Variants in DPY19L4 observed in about 807,000 individuals in gnomAD.
DPY19L4 encodes dpy-19 like 4.
DPY19L4 carries 97 observed loss-of-function variants against 102.8 expected under a neutral mutation model. The observed-to-expected ratio is 0.94, with a 90% CI of 0.80 to 1.12. DPY19L4 has a LOEUF of 1.12. Among genes scored for constraint, DPY19L4 ranks in the 50% most tolerant of loss-of-function variants. The pLI is 0.00. For synonymous variants in DPY19L4, 252 were observed against 283.1 expected (o/e 0.89, Z 1.10); for missense variants, 815 against 850.4 (o/e 0.96, Z 0.52).
At chr8:94,777,286 C>G (rs185651516) in intron 13 of DPY19L4, among the ~76,000 whole-genome samples, 240 of 152,116 alleles carry the variant, frequency 1.6e-3, no homozygotes, top group African/African-American at 5.3e-3. Flanking sequence ...AGGCTGGTCC[C>G]AAACTCCTGG....
rs563875672 is a variant in DPY19L4 at position 94,769,417 on chromosome 8, G to C, written c.1334+864G>C. 2.6e-5 allele frequency among the ~76,000 whole-genome samples: 4 copies of C among 152,170 alleles called. 1 individual carries two copies. The South Asian group carries it at 8.3e-4, about 32-fold the overall frequency. ...AATGTCCAGATTTAATATAGTTAGA[G>C]ACTTAATATATAACTGATATTTAAA... On this transcript the variant is annotated intron_variant, in intron 12 of 18. Coordinates refer to ENST00000414645, the MANE Select transcript of DPY19L4 (RefSeq NM_181787.3).
chr8:94,732,418 G>A (rs1415334676), intron 2 of DPY19L4, among the ~76,000 whole-genome samples: 1 of 152,060 alleles, frequency 6.6e-6, no homozygotes, highest in African/African-American at 2.4e-5. Flanking sequence ...ACAGGCTGGA[G>A]GCAGTGGCTC....
At chr8:94,742,891 G>A (rs994099091) in intron 6 of DPY19L4, among the ~76,000 whole-genome samples, 1 of 151,926 alleles carries the variant, frequency 6.6e-6, no homozygotes, top group Non-Finnish European at 1.5e-5. Context: ...TTTTGGTAGA[G>A]TTGTGGTTTC....
intron 14 of DPY19L4, among the ~76,000 whole-genome samples, chr8:94,778,903 G>A (rs1813303700): frequency 6.6e-6 from 1 of 152,126 alleles, no homozygotes; most frequent in African/African-American, 2.4e-5. Flanking sequence ...AAATGAGACT[G>A]GAGAAGTGGA....
intron 6 of DPY19L4, among the ~76,000 whole-genome samples, chr8:94,747,441 C>T (rs76295523): frequency 0.037 from 5,596 of 151,976 alleles, 268 homozygotes; most frequent in African/African-American, 0.11. Flanking sequence ...AAAGTGGTAC[C>T]GCATTGCCAA....
In DPY19L4 at chr8:94,769,062, GT is replaced by G. The variant is rs983995829; in HGVS notation, c.1334+525del. ...AGAAAAATTTAAACTTAGTTTTTTT[GT>G]TTTTTTTTTTTTTTTGAGACGGAGT... On this transcript the variant is annotated intron_variant, in intron 12 of 18. Transcript: ENST00000414645. Among the ~76,000 whole-genome samples, 485 of 127,218 alleles carry G rather than the reference GT, an allele frequency of 3.8e-3. 1 individual carries two copies. Among genetic ancestry groups the G allele is most frequent in the African/African-American group, 0.012 (428 of 34,356 alleles). 83.5% of individuals were successfully genotyped at this position (127,218 alleles called of 152,430 possible). A position where few individuals can be genotyped will look rare whatever the true frequency, so the allele number is the denominator to read the frequency against.
At chr8:94,789,580 G>A (rs1194571295) in intron 18 of DPY19L4, among the ~76,000 whole-genome samples, 166 bp from the exon 19 acceptor site, 3 of 152,106 alleles carry the variant, frequency 2.0e-5, no homozygotes, top group African/African-American at 7.2e-5. Context: ...TGGGCATGGT[G>A]ACTCACTTAT....
intron 18 of DPY19L4, 43 bp downstream of exon 18, chr8:94,788,095 A>ATATATATATATATATATATTTT (rs778540423): frequency 2.1e-6 from 2 of 939,256 alleles, no homozygotes; most frequent in African/African-American, 4.7e-5. Context: ...ATATATATAT[A>ATATATATATATATATATATTTT]TTTTTTTTTT....
At chr8:94,778,162 G>T (rs765040570) in intron 14 of DPY19L4, among the ~76,000 whole-genome samples, 76 of 152,104 alleles carry the variant, frequency 5.0e-4, no homozygotes, top group Admixed American at 7.9e-4. Context: ...TTGAACCCAG[G>T]AGGCAGAGGT....
chr8:94,767,397 T>C (rs918626738), intron 11 of DPY19L4, among the ~76,000 whole-genome samples: 23 of 151,210 alleles, frequency 1.5e-4, no homozygotes, highest in African/African-American at 4.8e-4. Flanking sequence ...GGGTTCATGC[T>C]ATTCTCCTGC....
rs1184236626 is a variant in DPY19L4 at position 94,783,688 on chromosome 8, A to T, written c.1734A>T (p.Ala578=). Residue 578 remains alanine (A), a synonymous_variant, in exon 17 of 19, where the codon GCA becomes GCT. Coordinates refer to ENST00000414645, the MANE Select transcript of DPY19L4 (RefSeq NM_181787.3). ...MTWIKRQAPV[A]AVFAGSPQLM... ...TTTGCAGAAGGCAAGCTCCAGTTGC[A>T]GCTGTGTTTGCAGGGAGTCCACAGT... 2.5e-6 allele frequency: 4 copies of T among 1,613,864 alleles called. No individual in the cohort carries two copies. Among genetic ancestry groups the T allele is most frequent in the Non-Finnish European group, 3.4e-6 (4 of 1,179,974 alleles).
rs1813846336 is a variant in DPY19L4, at chr8:94,790,491, A to G, written c.*581A>G. The G allele has an allele frequency of 6.6e-6, 1 of 151,780 alleles. No individual in the cohort carries two copies. Among genetic ancestry groups the G allele is most frequent in the African/African-American group, 2.4e-5 (1 of 40,826 alleles). 9.4% of individuals were successfully genotyped at this position (151,780 alleles called of 1,614,324 possible). The stretch of plus-strand genomic sequence containing the variant: ...AAGATATATTTAGAATTTTCATGAT[A>G]CTGTTCTCCTCATCTACTGCTTATG... On this transcript the variant is annotated 3_prime_UTR_variant, in exon 19 of 19. Coordinates refer to ENST00000414645, the MANE Select transcript of DPY19L4 (RefSeq NM_181787.3).
intron 8 of DPY19L4, among the ~76,000 whole-genome samples, chr8:94,762,881 G>T (rs924375351): frequency 6.6e-6 from 1 of 151,940 alleles, no homozygotes; most frequent in African/African-American, 2.4e-5. Context: ...ACTCCATCTT[G>T]CTCTCTCTCC....
chr8:94,769,459 T>C (rs1160915595), intron 12 of DPY19L4, among the ~76,000 whole-genome samples: 1 of 152,242 alleles, frequency 6.6e-6, no homozygotes, highest in Non-Finnish European at 1.5e-5. Flanking sequence ...GTTAAACTTT[T>C]ACAGACTGAT....
At chr8:94,768,971 C>T (rs1461364828) in intron 12 of DPY19L4, among the ~76,000 whole-genome samples, 1 of 149,496 alleles carries the variant, frequency 6.7e-6, no homozygotes. Flanking sequence ...GATTGCACCA[C>T]TGCACTCCAG....
At chr8:94,729,875 C>T (rs939324720) in intron 2 of DPY19L4, among the ~76,000 whole-genome samples, 9 of 151,374 alleles carry the variant, frequency 5.9e-5, no homozygotes, top group Non-Finnish European at 7.4e-5. Flanking sequence ...AAAAATACAA[C>T]GTAAGAAAGA....
Position 94,756,145 on chromosome 8 carries a change from A to C in DPY19L4, c.721A>C (p.Asn241His). ...ALTGYLKSNLNTYGERFCYLL... is the reference protein window; with the variant it reads ...ALTGYLKSNLHTYGERFCYLL... ...TACAGGCTATTTAAAAAGCAACTTA[A>C]ATACTTATGGAGAGGTAAGATACAA... Residue 241 changes from asparagine to histidine, a missense_variant, in exon 7 of 19, where the codon AAT (asparagine) becomes CAT (histidine). Coordinates refer to ENST00000414645, the MANE Select transcript of DPY19L4 (RefSeq NM_181787.3). The C allele has an allele frequency of 6.2e-7, 1 of 1,613,648 alleles. No homozygotes were observed. The highest frequency in any genetic ancestry group is 8.5e-7 in the Non-Finnish European group (1 of 1,179,824).
At chr8:94,756,241 T>C in intron 7 of DPY19L4, 82 bp downstream of exon 7, 1 of 1,538,550 alleles carries the variant, frequency 6.5e-7, no homozygotes, top group Middle Eastern at 1.8e-4. Flanking sequence ...TAAATTTTAG[T>C]CCTAGTAAGA....
At chr8:94,754,864 C>T (rs1812089955) in intron 6 of DPY19L4, among the ~76,000 whole-genome samples, 1 of 152,208 alleles carries the variant, frequency 6.6e-6, no homozygotes, top group African/African-American at 2.4e-5. Flanking sequence ...TCTCTGCTCT[C>T]TGCAACCTCC....
Sources: gnomAD v4.1 joint callset for allele counts (sites outside exome capture counted in the v4.1 genomes callset) on GRCh38, gnomAD v4.1.1 for gene constraint, MANE v1.5 for transcripts, NCBI Gene and HGNC (gene_info 2026-07-23, HGNC 2026-07-21) for gene names.